The following ASTN2 variants were observed in gnomAD, a reference collection of about 807,000 sequenced individuals.
ASTN2 encodes the protein astrotactin 2.
A neutral mutation model predicts 139.8 loss-of-function variants in ASTN2; 54 were observed. The ratio of observed to expected loss-of-function variants is 0.39; its 90% CI spans 0.31 to 0.48. The LOEUF is 0.48. Among genes scored for constraint, ASTN2 ranks in the 20% least tolerant of loss-of-function variants. The pLI is 0.95. For synonymous variants in ASTN2, 756 were observed against 719.5 expected, an observed-to-expected ratio of 1.05 and a Z score of -0.81; for missense variants, 1,565 against 1,725.1, an observed-to-expected ratio of 0.91 and a Z score of 1.64.
intron 4 of ASTN2, among the ~76,000 whole-genome samples, chr9:117,100,728 C>G (rs1828957127): frequency 6.6e-6 from 1 of 152,136 alleles, no homozygotes; most frequent in Non-Finnish European, 1.5e-5. Context: ...CTAAAATGTT[C>G]AATCTTAAAA....
At position 117,187,089 on chromosome 9, in the gene ASTN2, A is replaced by C. The variant is rs556717137; in HGVS notation, c.1015+27269T>G. On this transcript the variant is annotated intron_variant, in intron 3 of 22. Coordinates refer to ENST00000313400, the MANE Select transcript of ASTN2 (RefSeq NM_001365068.1). ...GGTCACAGTGAGCTGAGATTGTGCC[A>C]CTGCACTCCAGCCTGGGAGACAGAG... is the stretch of plus-strand genomic sequence containing the variant. 1.5e-3 allele frequency among the ~76,000 whole-genome samples: 232 copies of C among 152,346 alleles called. 2 individuals are homozygous for C. Among genetic ancestry groups the C allele is most frequent in the East Asian group, 2.9e-3 (15 of 5,190 alleles).
chr9:116,621,779 T>G (rs998007574), intron 17 of ASTN2, among the ~76,000 whole-genome samples: 29 of 152,354 alleles, frequency 1.9e-4, no homozygotes, highest in African/African-American at 6.5e-4. Flanking sequence ...AGATCATTAA[T>G]AGTTGGCAGT....
chr9:116,794,230 C>A (rs1045546451), intron 13 of ASTN2, among the ~76,000 whole-genome samples: 7 of 151,326 alleles, frequency 4.6e-5, no homozygotes, highest in African/African-American at 1.7e-4. Context: ...TCCCGAGTAG[C>A]TGGGATTACA....
Position 117,045,754 on chromosome 9 carries a change from A to G in ASTN2, c.1277-5789T>C, listed in dbSNP as rs952077332. ...TCAGACCCTTGTGTGTGGAAAACTT[A>G]AAGCTGGTACACTCCCATTGACTTC... On this transcript the variant is annotated intron_variant, in intron 5 of 22. Coordinates refer to ENST00000313400, the MANE Select transcript of ASTN2 (RefSeq NM_001365068.1). 3.3e-5 allele frequency among the ~76,000 whole-genome samples: 5 copies of G among 152,134 alleles called. No individual in the cohort carries two copies. The South Asian group carries it at 6.2e-4, about 19-fold the overall frequency.
intron 1 of ASTN2, among the ~76,000 whole-genome samples, chr9:117,374,824 A>G (rs1830079475): frequency 6.6e-6 from 1 of 152,174 alleles, no homozygotes; most frequent in Admixed American, 6.5e-5. Flanking sequence ...AGCTGTAGGC[A>G]TTGCATGAAG....
intron 10 of ASTN2, among the ~76,000 whole-genome samples, chr9:116,929,476 A>G (rs915801201): frequency 1.3e-5 from 2 of 152,108 alleles, no homozygotes; most frequent in African/African-American, 4.8e-5. Context: ...GGGAGATCCT[A>G]AAAAAGCCAG....
intron 19 of ASTN2, among the ~76,000 whole-genome samples, chr9:116,534,122 T>C (rs1005380758): frequency 2.6e-5 from 4 of 152,158 alleles, no homozygotes; most frequent in South Asian, 2.1e-4. Flanking sequence ...TTATCCATTT[T>C]TTCTAGATTT....
intron 6 of ASTN2, among the ~76,000 whole-genome samples, chr9:117,035,761 CA>C (rs1838367228): frequency 6.6e-6 from 1 of 152,128 alleles, no homozygotes; most frequent in African/African-American, 2.4e-5. Flanking sequence ...CACCTGGCTT[CA>C]AATGCTGGAT....
rs368460581 is a variant in ASTN2, at chr9:116,622,559, A to G, written c.3073-2116T>C. The stretch of plus-strand genomic sequence containing the variant: ...AACTAGGAATCAGAGCAGTCGAGCA[A>G]TTTTCCCAAGATCACACAGCAAGTA... On this transcript the variant is annotated intron_variant, in intron 17 of 22. Coordinates refer to ENST00000313400, the MANE Select transcript of ASTN2 (RefSeq NM_001365068.1). Among the ~76,000 whole-genome samples the G allele has an allele frequency of 5.9e-5, 9 of 152,268 alleles. No individual in the cohort carries two copies. In the South Asian group the frequency reaches 1.2e-3, roughly 21 times the overall value.
At chr9:117,279,159 T>C (rs1834265874) in intron 2 of ASTN2, among the ~76,000 whole-genome samples, 1 of 152,216 alleles carries the variant, frequency 6.6e-6, no homozygotes, top group Non-Finnish European at 1.5e-5. Flanking sequence ...CTTGCCTCAA[T>C]ATCTCATAGT....
chr9:117,203,505 C>T (rs562319213), intron 3 of ASTN2, among the ~76,000 whole-genome samples: 2 of 152,216 alleles, frequency 1.3e-5, no homozygotes, highest in African/African-American at 4.8e-5. Context: ...GCTGCTGACC[C>T]TTGGATGGGG....
chr9:117,320,254 A>C (rs1429433809), intron 1 of ASTN2, among the ~76,000 whole-genome samples: 1 of 152,162 alleles, frequency 6.6e-6, no homozygotes, highest in Non-Finnish European at 1.5e-5. Context: ...AACTGAAATA[A>C]AATACAGAAC....
At chr9:116,632,187 A>AGG (rs1412423148) in intron 17 of ASTN2, among the ~76,000 whole-genome samples, 580 of 35,818 alleles carry the variant, frequency 0.016, 29 homozygotes, top group Admixed American at 0.027. Flanking sequence ...AGAGAGAGGG[A>AGG]GAGAGAGAGA....
chr9:117,393,108 G>A (rs1588007662), intron 1 of ASTN2, among the ~76,000 whole-genome samples: 1 of 152,290 alleles, frequency 6.6e-6, no homozygotes, highest in African/African-American at 2.4e-5. Context: ...TCCCTGAAAG[G>A]CCAGCCCCTC....
chr9:117,073,717 TG>T (rs1308096312), intron 5 of ASTN2, among the ~76,000 whole-genome samples: 2 of 151,936 alleles, frequency 1.3e-5, no homozygotes, highest in African/African-American at 2.4e-5. Flanking sequence ...CGACAACCAC[TG>T]GGGGGTGCTC....
intron 19 of ASTN2, among the ~76,000 whole-genome samples, chr9:116,600,214 C>A (rs80285182): frequency 0.11 from 16,851 of 150,834 alleles, 1,025 homozygotes; most frequent in East Asian, 0.14. Flanking sequence ...GTCCCAGCTA[C>A]TTGGGAGGCT....
chr9:116,496,455 G>A (rs1209832999), intron 19 of ASTN2, among the ~76,000 whole-genome samples: 1 of 152,166 alleles, frequency 6.6e-6, no homozygotes, highest in Non-Finnish European at 1.5e-5. Flanking sequence ...GGGGTAAAGG[G>A]CAGAGTAAGA....
At position 117,291,354 on chromosome 9, in the gene ASTN2, T is replaced by C; in HGVS notation, c.602A>G (p.Gln201Arg). 1 of 1,614,162 alleles carries C rather than the reference T, an allele frequency of 6.2e-7. No individual in the cohort carries two copies. Among genetic ancestry groups the C allele is most frequent in the Non-Finnish European group, 8.5e-7 (1 of 1,180,004 alleles). ...CACAGAAATGTGGAGGATGTGCATCTGCTCCTCAACAATCTCCGAGGGCTC... is the reference window on the plus strand; with the variant it reads ...CACAGAAATGTGGAGGATGTGCATCCGCTCCTCAACAATCTCCGAGGGCTC... Reference protein sequence around the residue: ...LQEPSEIVEEQMHILHISVMG... With the variant: ...LQEPSEIVEERMHILHISVMG... Residue 201 changes from glutamine to arginine, a missense_variant, in exon 2 of 23, where the codon CAG becomes CGG. This residue lies in a region of ASTN2 where 596 missense variants were observed against 576.8 expected (regional missense o/e 1.03). Coordinates refer to ENST00000313400, the MANE Select transcript of ASTN2 (RefSeq NM_001365068.1).
intron 16 of ASTN2, among the ~76,000 whole-genome samples, chr9:116,678,827 A>G (rs1859663439): frequency 3.9e-5 from 6 of 152,310 alleles, no homozygotes; most frequent in Admixed American, 3.3e-4. Flanking sequence ...AAAGAGTTCT[A>G]AACAGTTTAT....
Sources: allele counts gnomAD v4.1 joint callset (sites outside exome capture counted in the v4.1 genomes callset), GRCh38; gene constraint gnomAD v4.1.1; regional missense constraint gnomAD v4.1.1; transcripts MANE v1.5; gene names NCBI Gene and HGNC (gene_info 2026-07-23, HGNC 2026-07-21).